Variants in ASXL1 observed in about 807,000 individuals in gnomAD.
The protein encoded by ASXL1 is polycomb group protein ASXL1.
ASXL1 carries 65 observed loss-of-function variants against 89.1 expected under a neutral mutation model. The observed-to-expected ratio is 0.73, with a 90% CI of 0.60 to 0.90. ASXL1 has a LOEUF of 0.90. Ranked by LOEUF, ASXL1 falls within the 40% of genes least tolerant of loss-of-function variation. The probability of loss-of-function intolerance (pLI) is 0.00; values close to 1 mark genes in which losing one functional copy is unlikely to be tolerated. For missense variants in ASXL1, 1,786 were observed against 1,942.9 expected (o/e 0.92, Z 1.52); for synonymous variants, 739 against 746.9 (o/e 0.99, Z 0.17).
intron 4 of ASXL1, among the ~76,000 whole-genome samples, chr20:32,390,745 T>C (rs900987871): frequency 6.6e-5 from 10 of 152,220 alleles, no homozygotes; most frequent in African/African-American, 2.4e-4. Context: ...ACCACTGATT[T>C]GTTCTCTGTC....
intron 4 of ASXL1, among the ~76,000 whole-genome samples, chr20:32,387,836 C>T (rs567945728): frequency 3.3e-5 from 5 of 152,306 alleles, no homozygotes; most frequent in South Asian, 2.1e-4. Flanking sequence ...TATCTCTATT[C>T]GGATATCTAA....
chr20:32,365,425 C>T (rs980265327), intron 1 of ASXL1, among the ~76,000 whole-genome samples: 5 of 152,122 alleles, frequency 3.3e-5, no homozygotes, highest in Non-Finnish European at 7.4e-5. Context: ...CAGACGAGAT[C>T]GGGCACATTC....
chr20:32,358,544 G>T lies in ASXL1; in HGVS notation c.-232G>T, dbSNP rs1348527712. The T allele has an allele frequency of 9.3e-6, 2 of 215,872 alleles. No homozygotes were observed. Among genetic ancestry groups the T allele is most frequent in the South Asian group, 3.3e-4 (2 of 6,070 alleles). The allele number at this position is 215,872 out of a possible 1,614,324, so 13.4% of individuals were successfully genotyped here. On this transcript the variant is annotated 5_prime_UTR_variant, in exon 1 of 13. Coordinates refer to ENST00000375687, the MANE Select transcript of ASXL1 (RefSeq NM_015338.6). ...GGCAGCCGCCGCTGCCGCCGTGGGCGACTGACGCAGCGCGGGCGCGTGGAG... is the reference window on the plus strand; with the variant it reads ...GGCAGCCGCCGCTGCCGCCGTGGGCTACTGACGCAGCGCGGGCGCGTGGAG...
rs796927087 is a variant in ASXL1 at position 32,412,595 on chromosome 20, T to A, written c.253-15533T>A. Among the ~76,000 whole-genome samples the A allele has an allele frequency of 8.6e-3, 497 of 58,030 alleles. 2 individuals are homozygous for A. Among genetic ancestry groups the A allele is most frequent in the Middle Eastern group, 0.018 (1 of 56 alleles). 38.1% of individuals were successfully genotyped at this position (58,030 alleles called of 152,430 possible). ...CATTACCCTTAAGAAAAGAAATAAA[T>A]TTTTTTTTTTTTTTTTTTGGAAACA... On this transcript the variant is annotated intron_variant, in intron 4 of 12. Transcript: ENST00000375687.
intron 4 of ASXL1, among the ~76,000 whole-genome samples, chr20:32,400,143 T>C (rs2048848123): frequency 6.6e-6 from 1 of 152,208 alleles, no homozygotes; most frequent in African/African-American, 2.4e-5. Context: ...TTTTTGAATA[T>C]ATGAAATGCA....
rs936957045 is a variant in ASXL1, at chr20:32,439,289, G to A, written c.*1951G>A. The A allele has an allele frequency of 1.7e-5, 4 of 232,136 alleles. No individual in the cohort carries two copies. Among genetic ancestry groups the A allele is most frequent in the Non-Finnish European group, 3.4e-5 (4 of 117,186 alleles). 14.4% of individuals were successfully genotyped at this position (232,136 alleles called of 1,614,324 possible). ...GCACTGCTTCTGTATGTCTCTTGTG[G>A]TATTGGAACAATAAACCCGTACAAC... On this transcript the variant is annotated 3_prime_UTR_variant, in exon 13 of 13. Coordinates refer to ENST00000375687, the MANE Select transcript of ASXL1 (RefSeq NM_015338.6).
At position 32,437,447 on chromosome 20, in the gene ASXL1, G is replaced by A. The variant is rs2145398778; in HGVS notation, c.*109G>A. ...TTGATATAATACTCTTTAGGCAGGA[G>A]CACTCTTGCCTTCCCCCAAAATTTA... On this transcript the variant is annotated 3_prime_UTR_variant, in exon 13 of 13. Coordinates refer to ENST00000375687, the MANE Select transcript of ASXL1 (RefSeq NM_015338.6). 2 of 1,528,234 alleles carry A rather than the reference G, an allele frequency of 1.3e-6. No individual in the cohort carries two copies. Among genetic ancestry groups the A allele is most frequent in the Admixed American group, 1.7e-5 (1 of 59,108 alleles). 94.7% of individuals were successfully genotyped at this position (1,528,234 alleles called of 1,614,324 possible). A position where few individuals can be genotyped will look rare whatever the true frequency, so the allele number is the denominator to read the frequency against.
At chr20:32,391,123 C>T (rs897120523) in intron 4 of ASXL1, among the ~76,000 whole-genome samples, 2 of 151,982 alleles carry the variant, frequency 1.3e-5, no homozygotes, top group Non-Finnish European at 2.9e-5. Context: ...CTCCTGGCCT[C>T]AAGGAATCCT....
Position 32,431,438 on chromosome 20 carries a change from A to C in ASXL1, c.836A>C (p.His279Pro). 6.2e-7 allele frequency: 1 copy of C among 1,614,106 alleles called. No individual in the cohort carries two copies. ...CGGACCTTCCATGCCTTACCATCAC[A>C]CTTCCAGCAGCAGCTCCTCTTCCTC... is the stretch of plus-strand genomic sequence containing the variant. ...NSRTFHALPSHFQQQLLFLLP... is the reference protein window; with the variant it reads ...NSRTFHALPSPFQQQLLFLLP... The change falls in exon 9 of 13, where the codon CAC becomes CCC. Residue 279 changes from histidine (H) to proline (P), a missense_variant. Coordinates refer to ENST00000375687, the MANE Select transcript of ASXL1 (RefSeq NM_015338.6).
intron 4 of ASXL1, among the ~76,000 whole-genome samples, chr20:32,401,453 G>A (rs1351382713): frequency 4.0e-5 from 6 of 151,158 alleles, no homozygotes; most frequent in Admixed American, 2.0e-4. Flanking sequence ...AGTAGTCCCC[G>A]TTATCTGTGG....
intron 4 of ASXL1, among the ~76,000 whole-genome samples, chr20:32,391,141 A>T (rs188629233): frequency 1.3e-5 from 2 of 151,680 alleles, no homozygotes; most frequent in Non-Finnish European, 2.9e-5. Context: ...CCTCCCACCT[A>T]TGCCTCTCAA....
At chr20:32,395,490 G>A (rs2048746280) in intron 4 of ASXL1, among the ~76,000 whole-genome samples, 1 of 152,018 alleles carries the variant, frequency 6.6e-6, no homozygotes, top group Non-Finnish European at 1.5e-5. Flanking sequence ...ATACTTTGTT[G>A]TAGTTTGCGT....
chr20:32,412,863 A>G (rs2049074665), intron 4 of ASXL1, among the ~76,000 whole-genome samples: 2 of 152,174 alleles, frequency 1.3e-5, no homozygotes, highest in African/African-American at 4.8e-5. Context: ...CCAGGTCAAG[A>G]AAACAAATGG....
chr20:32,434,562 T>TTAAA lies in ASXL1; in HGVS notation c.1851_1854dup (p.Ala619Ter), dbSNP rs1555911840. On this transcript the variant is annotated frameshift_variant, in exon 13 of 13. Coordinates refer to ENST00000375687, the MANE Select transcript of ASXL1 (RefSeq NM_015338.6). LOFTEE classifies it low-confidence loss of function (END_TRUNC). Reference sequence around the variant, plus strand: ...ACTGGCGCCAGGACCCTCGCAGACATTAAAGCCCGTGCTCTGCAGGTCCGA... The same window carrying TTAAA: ...ACTGGCGCCAGGACCCTCGCAGACATTAAATAAAGCCCGTGCTCTGCAGGTCCGA... 6.2e-7 allele frequency: 1 copy of TTAAA among 1,613,410 alleles called. No individual in the cohort carries two copies. The highest frequency in any genetic ancestry group is 8.5e-7 in the Non-Finnish European group (1 of 1,180,002).
Position 32,378,971 on chromosome 20 carries a change from T to TA in ASXL1, c.252+9858dup, listed in dbSNP as rs1174559313. On this transcript the variant is annotated intron_variant, in intron 4 of 12. Transcript: ENST00000375687. ...GGCGAAGCCCTGTCTCTATTAAAAA[T>TA]AAAAAAAAAACCTAGCCAGGTGTGG... is the stretch of plus-strand genomic sequence containing the variant. Among the ~76,000 whole-genome samples, 279 of 146,240 alleles carry TA rather than the reference T, an allele frequency of 1.9e-3. 2 individuals carry two copies. Among genetic ancestry groups the TA allele is most frequent in the African/African-American group, 6.0e-3 (238 of 39,832 alleles).
chr20:32,376,845 A>T (rs1424610774), intron 4 of ASXL1, among the ~76,000 whole-genome samples: 2 of 144,362 alleles, frequency 1.4e-5, no homozygotes, highest in African/African-American at 5.0e-5. Context: ...AAATATCATG[A>T]TAGATATATA....
chr20:32,399,819 T>C (rs2048841623), intron 4 of ASXL1, among the ~76,000 whole-genome samples: 1 of 134,252 alleles, frequency 7.4e-6, no homozygotes, highest in African/African-American at 2.8e-5. Context: ...TGGGGTGCAG[T>C]GGCACAATTT....
chr20:32,370,965 T>TAAAA (rs776902032), intron 4 of ASXL1, among the ~76,000 whole-genome samples: 6 of 87,394 alleles, frequency 6.9e-5, no homozygotes, highest in African/African-American at 2.1e-4. Context: ...TTGTCTCTAT[T>TAAAA]AAAAAAAAAA....
In ASXL1 at chr20:32,434,528, C is replaced by T. The variant is rs746515791; in HGVS notation, c.1816C>T (p.Arg606Trp). ...CATCCCCACCACGGAGTCCTCCTGC[C>T]GGGGTTGGACTGGCGCCAGGACCCT... ...RIIPTTESSC[R>W]GWTGARTLAD... is the part of the protein sequence containing the mutation. Residue 606 changes from arginine to tryptophan, a missense_variant, in exon 13 of 13, where the codon CGG becomes TGG. This residue lies in a region of ASXL1 where 1,418 missense variants were observed against 1,427.8 expected (regional missense o/e 0.99). Coordinates refer to ENST00000375687, the MANE Select transcript of ASXL1 (RefSeq NM_015338.6). 37 of 1,613,850 alleles carry T rather than the reference C, an allele frequency of 2.3e-5. No homozygotes were observed. The highest frequency in any genetic ancestry group is 1.8e-4 in the East Asian group (8 of 44,890).
Sources: gnomAD v4.1 joint callset for allele counts (sites outside exome capture counted in the v4.1 genomes callset) on GRCh38, gnomAD v4.1.1 for gene constraint, gnomAD v4.1.1 regional missense constraint, MANE v1.5 for transcripts, NCBI Gene and HGNC (gene_info 2026-07-23, HGNC 2026-07-21) for gene names.